Variants in ADGRB3 observed in about 807,000 individuals in gnomAD.
ADGRB3 encodes the protein adhesion G protein-coupled receptor B3.
ADGRB3 carries 37 observed loss-of-function variants against 193.4 expected under a neutral mutation model. The ratio of observed to expected loss-of-function variants is 0.19; its 90% CI spans 0.15 to 0.25. The LOEUF is 0.25. Among genes scored for constraint, ADGRB3 ranks in the 10% least tolerant of loss-of-function variants. ADGRB3 has a pLI of 1.00. For synonymous variants in ADGRB3, 690 were observed against 644.2 expected (o/e 1.07, Z -1.08); for missense variants, 1,637 against 1,852.9 (o/e 0.88, Z 2.14).
intron 6 of ADGRB3, among the ~76,000 whole-genome samples, 187 bp from the exon 7 acceptor site, chr6:68,955,837 A>C (rs1476336801): frequency 1.3e-5 from 2 of 152,100 alleles, no homozygotes; most frequent in Admixed American, 1.3e-4. Context: ...AATAAAATAA[A>C]AGTGGGAAAA....
chr6:68,721,655 T>TATATATATAA (rs1386347336), intron 3 of ADGRB3, among the ~76,000 whole-genome samples: 11 of 141,348 alleles, frequency 7.8e-5, no homozygotes, highest in African/African-American at 2.8e-4. Flanking sequence ...TATATATATA[T>TATATATATAA]AAATTATCAT....
At chr6:69,182,475 A>G (rs1388913893) in intron 17 of ADGRB3, among the ~76,000 whole-genome samples, 3 of 150,890 alleles carry the variant, frequency 2.0e-5, no homozygotes, top group Non-Finnish European at 4.4e-5. Flanking sequence ...AGGAACCTAG[A>G]GCTGCATTGG....
At chr6:68,855,430 TTAATTTAATG>T (rs1261746731) in intron 3 of ADGRB3, among the ~76,000 whole-genome samples, 4 of 151,954 alleles carry the variant, frequency 2.6e-5, no homozygotes, top group Admixed American at 6.6e-5. Context: ...TTAATTTAAT[TTAATTTAATG>T]TAATCATGTG....
intron 11 of ADGRB3, among the ~76,000 whole-genome samples, chr6:69,013,595 A>T (rs1367660425): frequency 6.6e-6 from 1 of 152,112 alleles, no homozygotes; most frequent in African/African-American, 2.4e-5. Context: ...TCTTGCCTCC[A>T]CTTTGCCTAT....
chr6:69,065,421 G>T (rs1211731436), intron 16 of ADGRB3, among the ~76,000 whole-genome samples: 1 of 151,954 alleles, frequency 6.6e-6, no homozygotes, highest in Non-Finnish European at 1.5e-5. Context: ...TCTCACTGTT[G>T]TCTGTACAAT....
intron 17 of ADGRB3, among the ~76,000 whole-genome samples, chr6:69,148,488 T>C (rs557025774): frequency 2.6e-5 from 4 of 152,272 alleles, no homozygotes; most frequent in Non-Finnish European, 4.4e-5. Flanking sequence ...TATCATATTG[T>C]ACTGTCTTGA....
intron 3 of ADGRB3, among the ~76,000 whole-genome samples, chr6:68,720,002 G>A (rs551302998): frequency 6.6e-6 from 1 of 151,754 alleles, no homozygotes; most frequent in African/African-American, 2.4e-5. Flanking sequence ...ACTCATTTAG[G>A]TAATTACCAT....
intron 17 of ADGRB3, among the ~76,000 whole-genome samples, chr6:69,122,485 G>GA: frequency 1.7e-5 from 1 of 59,634 alleles, no homozygotes; most frequent in African/African-American, 5.6e-5. Flanking sequence ...AGGGGGAGGG[G>GA]GGAGGGGGAG....
At chr6:68,971,756 A>C (rs188801449) in intron 8 of ADGRB3, among the ~76,000 whole-genome samples, 1 of 152,338 alleles carries the variant, frequency 6.6e-6, no homozygotes, top group East Asian at 1.9e-4. Context: ...AAACCAACTG[A>C]TTACATACTT....
chr6:69,169,358 A>AT (rs894807463), intron 17 of ADGRB3, among the ~76,000 whole-genome samples: 2 of 151,772 alleles, frequency 1.3e-5, no homozygotes, highest in Admixed American at 6.6e-5. Context: ...TTACTTACCT[A>AT]TTTTTTTGGC....
At chr6:69,091,098 A>C (rs1340513258) in intron 17 of ADGRB3, among the ~76,000 whole-genome samples, 1 of 152,204 alleles carries the variant, frequency 6.6e-6, no homozygotes, top group Non-Finnish European at 1.5e-5. Flanking sequence ...GACACCATCT[A>C]ACATCAGTCA....
At chr6:68,759,987 A>G (rs1419612238) in intron 3 of ADGRB3, among the ~76,000 whole-genome samples, 2 of 152,120 alleles carry the variant, frequency 1.3e-5, no homozygotes, top group Non-Finnish European at 2.9e-5. Flanking sequence ...ATGATACTAT[A>G]TTTTTGGTTT....
At chr6:68,967,025 ATAGTT>A (rs1768400217) in intron 8 of ADGRB3, among the ~76,000 whole-genome samples, 1 of 152,204 alleles carries the variant, frequency 6.6e-6, no homozygotes. Flanking sequence ...CTTTGATAAA[ATAGTT>A]AAAGCAGCTG....
chr6:69,084,512 A>G (rs907045204), intron 17 of ADGRB3, among the ~76,000 whole-genome samples: 1 of 152,172 alleles, frequency 6.6e-6, no homozygotes, highest in East Asian at 1.9e-4. Flanking sequence ...ACTATTTCCT[A>G]TAGTCTATTA....
intron 17 of ADGRB3, among the ~76,000 whole-genome samples, chr6:69,098,588 G>A (rs377174215): frequency 4.6e-5 from 7 of 152,028 alleles, no homozygotes; most frequent in Non-Finnish European, 8.8e-5. Context: ...TAAACCATCC[G>A]ATCTCATGAG....
At chr6:69,093,608 A>G (rs1314223737) in intron 17 of ADGRB3, among the ~76,000 whole-genome samples, 1 of 145,316 alleles carries the variant, frequency 6.9e-6, no homozygotes, top group African/African-American at 2.6e-5. Context: ...GATAGATAGC[A>G]TAGGTTCAGT....
intron 17 of ADGRB3, among the ~76,000 whole-genome samples, chr6:69,103,913 A>G (rs1773137310): frequency 6.6e-6 from 1 of 152,050 alleles, no homozygotes; most frequent in African/African-American, 2.4e-5. Context: ...CTATCATTCA[A>G]GGTTTTCACG....
At chr6:69,274,220 C>T (rs899314190) in intron 20 of ADGRB3, among the ~76,000 whole-genome samples, 5 of 152,134 alleles carry the variant, frequency 3.3e-5, no homozygotes, top group Non-Finnish European at 7.4e-5. Context: ...TTTGCTATGC[C>T]GATACACAAA....
intron 3 of ADGRB3, among the ~76,000 whole-genome samples, chr6:68,701,592 T>C (rs960877630): frequency 8.5e-5 from 13 of 152,326 alleles, no homozygotes; most frequent in African/African-American, 3.1e-4. Flanking sequence ...TTATTATAGC[T>C]CCTCCTCATG....
Sources: gnomAD v4.1 joint callset for allele counts (sites outside exome capture counted in the v4.1 genomes callset) on GRCh38, gnomAD v4.1.1 for gene constraint, MANE v1.5 for transcripts, NCBI Gene and HGNC (gene_info 2026-07-23, HGNC 2026-07-21) for gene names.